The following RTF2 variants were observed in gnomAD, a reference collection of about 807,000 sequenced individuals.
RTF2 encodes the protein UPF0549 protein C20orf43.
A neutral mutation model predicts 38.0 loss-of-function variants in RTF2; 18 were observed. The observed-to-expected ratio is 0.47, with a 90% CI of 0.33 to 0.70. RTF2 has a LOEUF of 0.70. RTF2 is among the 30% of genes least tolerant of loss of function. The probability of loss-of-function intolerance (pLI) is 0.02; values close to 1 mark genes in which losing one functional copy is unlikely to be tolerated. For missense variants in RTF2, 311 were observed against 379.6 expected, an observed-to-expected ratio of 0.82 and a Z score of 1.50; for synonymous variants, 126 against 137.1, an observed-to-expected ratio of 0.92 and a Z score of 0.57.
intron 5 of RTF2, among the ~76,000 whole-genome samples, chr20:56,505,476 A>G (rs1984202486): frequency 7.5e-6 from 1 of 133,020 alleles, no homozygotes; most frequent in African/African-American, 2.6e-5. Flanking sequence ...CAACAGAGTG[A>G]GATGCCATCT....
intron 5 of RTF2, among the ~76,000 whole-genome samples, chr20:56,501,588 T>C (rs1983930817): frequency 6.6e-6 from 1 of 152,218 alleles, no homozygotes; most frequent in African/African-American, 2.4e-5. Flanking sequence ...GACCTATTTT[T>C]AACATTCCAG....
chr20:56,476,934 G>T lies in RTF2; in HGVS notation c.259-51G>T, dbSNP rs765916069. 55 of 1,591,850 alleles carry T rather than the reference G, an allele frequency of 3.5e-5. No homozygotes were observed. In the East Asian group the frequency reaches 1.2e-3, roughly 36 times the overall value. On this transcript the variant is annotated intron_variant, in intron 3 of 8. Coordinates refer to ENST00000357348, the MANE Select transcript of RTF2 (RefSeq NM_016407.5). Reference sequence around the variant, plus strand: ...TGTTGACTTACGTGGTTAAGGCAAAGGATGATCTGTTTATCAAATGAATTG... The same window carrying T: ...TGTTGACTTACGTGGTTAAGGCAAATGATGATCTGTTTATCAAATGAATTG...
At chr20:56,469,924 T>C (rs1234027227) in intron 1 of RTF2, among the ~76,000 whole-genome samples, 1 of 152,206 alleles carries the variant, frequency 6.6e-6, no homozygotes, top group Admixed American at 6.5e-5. Flanking sequence ...CATTCAGTTT[T>C]TTACTCAAAT....
At chr20:56,474,335 G>A (rs1291659506) in intron 2 of RTF2, among the ~76,000 whole-genome samples, 1 of 152,104 alleles carries the variant, frequency 6.6e-6, no homozygotes, top group Non-Finnish European at 1.5e-5. Context: ...ATGAAAATTA[G>A]CCAGGCATGG....
chr20:56,515,303 G>A (rs1218651675), intron 6 of RTF2, among the ~76,000 whole-genome samples: 1 of 152,086 alleles, frequency 6.6e-6, no homozygotes, highest in African/African-American at 2.4e-5. Context: ...CGGGTGCCGT[G>A]GCTCACACCT....
chr20:56,504,620 T>TGC (rs1334787124), intron 5 of RTF2, among the ~76,000 whole-genome samples: 11 of 152,254 alleles, frequency 7.2e-5, no homozygotes, highest in Non-Finnish European at 1.5e-4. Context: ...GGGGTCTGAC[T>TGC]GCACCCCTTC....
At chr20:56,504,162 A>G (rs1451886268) in intron 5 of RTF2, 1 of 152,150 alleles carries the variant, frequency 6.6e-6, no homozygotes, top group Non-Finnish European at 1.5e-5. Flanking sequence ...TGCTTCAGTC[A>G]CTTGAGTAGA....
intron 1 of RTF2, chr20:56,472,443 G>T (rs1360085339): frequency 7.4e-7 from 1 of 1,353,136 alleles, no homozygotes; most frequent in Admixed American, 2.0e-5. Context: ...TCGAGGGCCA[G>T]GGAGGGTCTT....
At chr20:56,474,603 G>T in intron 2 of RTF2, 75 bp from the exon 3 acceptor site, 2 of 895,660 alleles carry the variant, frequency 2.2e-6, no homozygotes, top group South Asian at 1.8e-5. Flanking sequence ...TTTGGATTGT[G>T]TTCAGTTTAT....
In RTF2 at chr20:56,496,530, C is replaced by T. The variant is rs116829206; in HGVS notation, c.477+12341C>T. 431 of 1,223,466 alleles carry T rather than the reference C, an allele frequency of 3.5e-4. No individual in the cohort carries two copies. The African/African-American group carries it at 4.5e-3, about 13-fold the overall frequency. 75.8% of individuals were successfully genotyped at this position (1,223,466 alleles called of 1,614,324 possible). A position where few individuals can be genotyped will look rare whatever the true frequency, so the allele number is the denominator to read the frequency against. ...GCCACTGCACTCCAGCCTCGGTGAC[C>T]GTGTGAGACTCCGTCTCAAAATCAG... On this transcript the variant is annotated intron_variant, in intron 5 of 8. Coordinates refer to ENST00000357348, the MANE Select transcript of RTF2 (RefSeq NM_016407.5).
chr20:56,470,761 C>T (rs1981918025), intron 1 of RTF2: 1 of 431,030 alleles, frequency 2.3e-6, no homozygotes, highest in Non-Finnish European at 4.7e-6. Context: ...GGTGGGGTCT[C>T]CATAAAGATC....
intron 1 of RTF2, chr20:56,471,722 A>G (rs538046385): frequency 6.6e-6 from 1 of 152,226 alleles, no homozygotes; most frequent in Non-Finnish European, 1.5e-5. Context: ...AAAGCCCTGG[A>G]TAAGGAGTGA....
At position 56,505,765 on chromosome 20, in the gene RTF2, G is replaced by A. The variant is rs569746292; in HGVS notation, c.478-7550G>A. On this transcript the variant is annotated intron_variant, in intron 5 of 8. Coordinates refer to ENST00000357348, the MANE Select transcript of RTF2 (RefSeq NM_016407.5). ...AACACAAGAAGCAAACATACTAGAC[G>A]AGCTGAGCCACCCATTTCTATTGGT... Among the ~76,000 whole-genome samples, 8 of 152,140 alleles carry A rather than the reference G, an allele frequency of 5.3e-5. No individual in the cohort carries two copies. The South Asian group carries it at 1.0e-3, about 20-fold the overall frequency.
chr20:56,489,943 G>A (rs1269325547), intron 5 of RTF2, among the ~76,000 whole-genome samples: 1 of 152,214 alleles, frequency 6.6e-6, no homozygotes, highest in Non-Finnish European at 1.5e-5. Flanking sequence ...GAAATGTGTG[G>A]GAAGGTGGTG....
chr20:56,484,098 G>C lies in RTF2; in HGVS notation c.399-13G>C, dbSNP rs1317787552. 7 of 1,613,240 alleles carry C rather than the reference G, an allele frequency of 4.3e-6. No individual in the cohort carries two copies. In the Admixed American group the frequency reaches 8.3e-5, roughly 19 times the overall value. On this transcript the variant is annotated splice_polypyrimidine_tract_variant and intron_variant, in intron 4 of 8. Coordinates refer to ENST00000357348, the MANE Select transcript of RTF2 (RefSeq NM_016407.5). The stretch of plus-strand genomic sequence containing the variant: ...ATTAATACAGTCCTTCCCCCACTGG[G>C]TTATTTCTCCAGGTTCTGCTTCCTT...
chr20:56,491,024 T>G (rs1183148830), intron 5 of RTF2, among the ~76,000 whole-genome samples: 1 of 152,222 alleles, frequency 6.6e-6, no homozygotes, highest in Non-Finnish European at 1.5e-5. Context: ...TGGGGCACCC[T>G]TTTTAACAAG....
chr20:56,478,431 G>A (rs1982368889), intron 4 of RTF2, among the ~76,000 whole-genome samples: 1 of 152,134 alleles, frequency 6.6e-6, no homozygotes, highest in South Asian at 2.1e-4. Context: ...GGAATTCAAG[G>A]CTGCAGTGAG....
intron 5 of RTF2, chr20:56,497,141 G>A (rs916772847): frequency 2.6e-6 from 4 of 1,551,396 alleles, no homozygotes; most frequent in African/African-American, 2.7e-5. Context: ...AGTTAACCAA[G>A]GTTTGCACAG....
chr20:56,482,246 G>T (rs1377976646), intron 4 of RTF2, among the ~76,000 whole-genome samples: 2 of 152,188 alleles, frequency 1.3e-5, no homozygotes, highest in African/African-American at 2.4e-5. Flanking sequence ...GGATGCTCAG[G>T]TCTCTGATAT....
Sources: gnomAD v4.1 joint callset for allele counts (sites outside exome capture counted in the v4.1 genomes callset) on GRCh38, gnomAD v4.1.1 for gene constraint, MANE v1.5 for transcripts, NCBI Gene and HGNC (gene_info 2026-07-23, HGNC 2026-07-21) for gene names.